Variants in ZNF804B observed in about 807,000 individuals in gnomAD.
The protein encoded by ZNF804B is zinc finger protein 804B, also known as zinc finger 804B.
A neutral mutation model predicts 101.4 loss-of-function variants in ZNF804B; 80 were observed. The observed-to-expected ratio is 0.79, with a 90% confidence interval of 0.66 to 0.95. ZNF804B has a LOEUF of 0.95. Ranked by LOEUF, ZNF804B falls within the 40% of genes least tolerant of loss-of-function variation. The pLI is 0.00. For synonymous variants in ZNF804B, 622 were observed against 558.8 expected, an observed-to-expected ratio of 1.11 and a Z score of -1.59; for missense variants, 1,673 against 1,561.9, an observed-to-expected ratio of 1.07 and a Z score of -1.20.
At chr7:88,983,013 T>C (rs1400742177) in intron 1 of ZNF804B, among the ~76,000 whole-genome samples, 7 of 152,074 alleles carry the variant, frequency 4.6e-5, no homozygotes, top group Non-Finnish European at 1.0e-4. Context: ...GAAATGGGAC[T>C]AGCAGTTCTC....
intron 1 of ZNF804B, among the ~76,000 whole-genome samples, chr7:89,108,984 CATT>C (rs1288582356): frequency 1.3e-5 from 2 of 152,038 alleles, no homozygotes; most frequent in African/African-American, 4.8e-5. Context: ...AGAGCTGTGT[CATT>C]AGTATTGGAG....
chr7:89,133,086 A>T (rs1229480605), intron 1 of ZNF804B, among the ~76,000 whole-genome samples: 1 of 151,928 alleles, frequency 6.6e-6, no homozygotes, highest in East Asian at 1.9e-4. Context: ...TGTATCTCAG[A>T]CCGAAATTTA....
intron 1 of ZNF804B, among the ~76,000 whole-genome samples, chr7:88,844,001 T>C (rs1562809343): frequency 6.6e-6 from 1 of 152,070 alleles, no homozygotes; most frequent in Non-Finnish European, 1.5e-5. Flanking sequence ...ATGAAAATGT[T>C]AAAACACATG....
At chr7:88,984,895 G>A (rs915138504) in intron 1 of ZNF804B, among the ~76,000 whole-genome samples, 1 of 151,914 alleles carries the variant, frequency 6.6e-6, no homozygotes, top group Admixed American at 6.6e-5. Flanking sequence ...CCAGAGACAT[G>A]TAGGCATGCA....
intron 1 of ZNF804B, among the ~76,000 whole-genome samples, chr7:88,905,314 A>C (rs1792452221): frequency 6.6e-6 from 1 of 151,852 alleles, no homozygotes; most frequent in South Asian, 2.1e-4. Flanking sequence ...GATTGTGGCG[A>C]ATTAACTTTT....
chr7:88,934,096 G>A (rs1792931924), intron 1 of ZNF804B, among the ~76,000 whole-genome samples: 1 of 151,842 alleles, frequency 6.6e-6, no homozygotes, highest in Admixed American at 6.6e-5. Context: ...ACAGAATAGA[G>A]AACCCAAAAA....
chr7:88,934,614 A>G, intron 1 of ZNF804B, among the ~76,000 whole-genome samples: 1 of 151,962 alleles, frequency 6.6e-6, no homozygotes, highest in East Asian at 1.9e-4. Flanking sequence ...GAAAGGATAA[A>G]CAACCAACAA....
At chr7:89,145,363 A>G (rs1215092179) in intron 1 of ZNF804B, among the ~76,000 whole-genome samples, 1 of 152,046 alleles carries the variant, frequency 6.6e-6, no homozygotes, top group African/African-American at 2.4e-5. Context: ...AATAATATAA[A>G]CAGTAAGGGG....
At chr7:89,319,971 T>C (rs2115965744) in intron 2 of ZNF804B, among the ~76,000 whole-genome samples, 1 of 151,958 alleles carries the variant, frequency 6.6e-6, no homozygotes, top group South Asian at 2.1e-4. Context: ...AATTTAAAAA[T>C]TATTTGGCAC....
At chr7:89,119,860 T>C (rs908005563) in intron 1 of ZNF804B, among the ~76,000 whole-genome samples, 1 of 152,068 alleles carries the variant, frequency 6.6e-6, no homozygotes, top group African/African-American at 2.4e-5. Flanking sequence ...TTTAAATGAG[T>C]TTCTATATTG....
rs186662641 is a variant in ZNF804B at position 89,329,055 on chromosome 7, C to G, written c.380+1581C>G. On this transcript the variant is annotated intron_variant, in intron 3 of 3. Transcript: ENST00000333190. ...AAGTTCCAAGTTTGCTAGAGCTACC[C>G]ATTAAGTTTCTTTCAAATAAAAAGG... is the stretch of plus-strand genomic sequence containing the variant. Among the ~76,000 whole-genome samples the G allele has an allele frequency of 2.8e-3, 424 of 151,654 alleles. 2 individuals are homozygous for G. Among genetic ancestry groups the G allele is most frequent in the African/African-American group, 9.6e-3 (397 of 41,444 alleles).
intron 2 of ZNF804B, among the ~76,000 whole-genome samples, chr7:89,314,827 A>C (rs1790697264): frequency 6.6e-6 from 1 of 152,052 alleles, no homozygotes; most frequent in Non-Finnish European, 1.5e-5. Flanking sequence ...TAACTCTGGA[A>C]ATTGTTTTAT....
At chr7:89,277,112 TATAA>T (rs1225006004) in intron 2 of ZNF804B, among the ~76,000 whole-genome samples, 1 of 148,304 alleles carries the variant, frequency 6.7e-6, no homozygotes, top group African/African-American at 2.5e-5. Context: ...ATTTATTATA[TATAA>T]ATATATACAA....
At chr7:89,236,084 T>C (rs1789274512) in intron 2 of ZNF804B, among the ~76,000 whole-genome samples, 1 of 152,158 alleles carries the variant, frequency 6.6e-6, no homozygotes, top group Non-Finnish European at 1.5e-5. Flanking sequence ...TATTTGTCAA[T>C]GACCTCAGCA....
chr7:89,235,943 T>A (rs1016446972), intron 2 of ZNF804B, among the ~76,000 whole-genome samples: 4 of 152,084 alleles, frequency 2.6e-5, no homozygotes, highest in Non-Finnish European at 5.9e-5. Context: ...TTTAAACAAA[T>A]TTTGTATCAA....
chr7:89,147,184 G>A (rs1300094087), intron 1 of ZNF804B, among the ~76,000 whole-genome samples: 3 of 150,970 alleles, frequency 2.0e-5, no homozygotes, highest in Non-Finnish European at 4.4e-5. Context: ...AAAAGTACAG[G>A]ACCACAAAGT....
intron 1 of ZNF804B, among the ~76,000 whole-genome samples, chr7:89,212,808 T>C (rs746998615): frequency 8.5e-5 from 13 of 152,108 alleles, no homozygotes; most frequent in Non-Finnish European, 1.6e-4. Context: ...TTCTCCTGTG[T>C]CTATAATTTC....
chr7:88,849,534 C>A (rs1448762667), intron 1 of ZNF804B, among the ~76,000 whole-genome samples: 1 of 151,408 alleles, frequency 6.6e-6, no homozygotes, highest in Middle Eastern at 3.2e-3. Flanking sequence ...GAGTCTCACT[C>A]TGTTGCCTAG....
chr7:88,817,430 A>G (rs1790902542), intron 1 of ZNF804B, among the ~76,000 whole-genome samples: 1 of 129,864 alleles, frequency 7.7e-6, no homozygotes, highest in African/African-American at 3.0e-5. Context: ...TGCTCTCTCC[A>G]TAGGCAGTTA....
Sources: allele counts gnomAD v4.1 joint callset (sites outside exome capture counted in the v4.1 genomes callset), GRCh38; gene constraint gnomAD v4.1.1; transcripts MANE v1.5; gene names NCBI Gene and HGNC (gene_info 2026-07-23, HGNC 2026-07-21).